DEPDC5: variants seen among roughly 807,000 people sequenced by gnomAD.
The protein encoded by DEPDC5 is DEP domain containing 5, GATOR1 subcomplex subunit, also known as GATOR1 complex protein DEPDC5.
DEPDC5 carries 73 observed loss-of-function variants against 217.3 expected under a neutral mutation model. That is an observed-to-expected ratio of 0.34 (90% confidence interval 0.28 to 0.41). DEPDC5 has a LOEUF of 0.41. Ranked by LOEUF, DEPDC5 falls within the 10% of genes least tolerant of loss-of-function variation. DEPDC5 has a pLI of 1.00. For missense variants in DEPDC5, 1,675 were observed against 2,070.1 expected, an observed-to-expected ratio of 0.81 and a Z score of 3.70; for synonymous variants, 733 against 756.7, an observed-to-expected ratio of 0.97 and a Z score of 0.51.
chr22:31,803,511 C>T (rs1375478445), intron 15 of DEPDC5, among the ~76,000 whole-genome samples: 4 of 152,064 alleles, frequency 2.6e-5, no homozygotes, highest in East Asian at 1.9e-4. Context: ...CACACCCAGC[C>T]GCTGTCAGCC....
intron 25 of DEPDC5, among the ~76,000 whole-genome samples, chr22:31,835,265 A>G (rs891032017): frequency 1.1e-4 from 16 of 152,222 alleles, no homozygotes; most frequent in Non-Finnish European, 2.9e-5. Flanking sequence ...CCAGCAGTGA[A>G]TAGATGATTC....
At chr22:31,867,626 C>T (rs1454554439) in intron 33 of DEPDC5, among the ~76,000 whole-genome samples, 2 of 152,184 alleles carry the variant, frequency 1.3e-5, no homozygotes, top group African/African-American at 2.4e-5. Flanking sequence ...CACACCCATT[C>T]ATTTACATAT....
At position 31,876,285 on chromosome 22, in the gene DEPDC5, C is replaced by T. The variant is rs1475517035; in HGVS notation, c.3805+20C>T. 7 of 1,601,960 alleles carry T rather than the reference C, an allele frequency of 4.4e-6. No homozygotes were observed. The highest frequency in any genetic ancestry group is 2.0e-4 in the Middle Eastern group (1 of 5,086). On this transcript the variant is annotated intron_variant, in intron 37 of 42. Coordinates refer to ENST00000651528, the MANE Select transcript of DEPDC5 (RefSeq NM_001242896.3). Reference sequence around the variant, plus strand: ...ACCGAGGTTAGAGCCGAGGCGAATGCGGTTGCCCACAGGGGCAAGTGTTTT... The same window carrying T: ...ACCGAGGTTAGAGCCGAGGCGAATGTGGTTGCCCACAGGGGCAAGTGTTTT...
chr22:31,887,238 A>G (rs1248056492), intron 38 of DEPDC5, among the ~76,000 whole-genome samples: 1 of 151,680 alleles, frequency 6.6e-6, no homozygotes, highest in Non-Finnish European at 1.5e-5. Context: ...GGCCAACACG[A>G]TGAATCCCTG....
chr22:31,817,272 G>C (rs1343480983), intron 21 of DEPDC5: 1 of 186,556 alleles, frequency 5.4e-6, no homozygotes, highest in East Asian at 1.6e-4. Flanking sequence ...ACCATGCCTG[G>C]CTAATTTTTG....
chr22:31,894,172 C>A, intron 39 of DEPDC5: 1 of 153,194 alleles, frequency 6.5e-6, no homozygotes, highest in Admixed American at 6.5e-5. Flanking sequence ...AAAAGTAAGT[C>A]TGTTTCCCAC....
At chr22:31,754,358 G>A (rs1450250893) in intron 1 of DEPDC5, among the ~76,000 whole-genome samples, 194 bp downstream of exon 1, 2 of 152,246 alleles carry the variant, frequency 1.3e-5, no homozygotes, top group African/African-American at 4.8e-5. Context: ...CGCACAGACC[G>A]AGGTTTGGGG....
rs1481081734 is a variant in DEPDC5 at position 31,900,404 on chromosome 22, A to AT, written c.4376-1337dup. Among the ~76,000 whole-genome samples the AT allele has an allele frequency of 2.8e-4, 42 of 152,128 alleles. 1 individual carries two copies. Among genetic ancestry groups the AT allele is most frequent in the Non-Finnish European group, 5.7e-4 (39 of 68,036 alleles). ...TTTTCCTACCTCTAGAATGGAGCTT[A>AT]TAATATTTGCCCTTTCTTGTGGGAA... On this transcript the variant is annotated intron_variant, in intron 40 of 42. Coordinates refer to ENST00000651528, the MANE Select transcript of DEPDC5 (RefSeq NM_001242896.3).
intron 33 of DEPDC5, 122 bp from the exon 34 acceptor site, chr22:31,870,468 G>C: frequency 9.2e-7 from 1 of 1,091,682 alleles, no homozygotes; most frequent in Non-Finnish European, 1.2e-6. Flanking sequence ...GGGAAGGATT[G>C]CATTAATTTT....
At position 31,879,545 on chromosome 22, in the gene DEPDC5, A is replaced by G. The variant is rs756257890; in HGVS notation, c.3826A>G (p.Thr1276Ala). ...PDRVAMQQPATTWHTAGVDDF... is the reference protein window; with the variant it reads ...PDRVAMQQPAATWHTAGVDDF... ...CCCAGTGGCCATGCAGCAGCCCGCC[A>G]CCACCTGGCACACAGCAGGAGTGGA... The change falls in exon 38 of 43, where the codon ACC becomes GCC. Residue 1276 changes from threonine to alanine, a missense_variant. By Grantham distance (58) the Thr-to-Ala change is moderately conservative. Around this residue, in one of 11 missense-constraint regions of DEPDC5, gnomAD observed 194 missense variants for 199.3 expected, o/e 0.97. Coordinates refer to ENST00000651528, the MANE Select transcript of DEPDC5 (RefSeq NM_001242896.3). 1.2e-6 allele frequency: 2 copies of G among 1,611,300 alleles called. No individual in the cohort carries two copies. Among genetic ancestry groups the G allele is most frequent in the South Asian group, 2.2e-5 (2 of 91,082 alleles).
At chr22:31,879,065 T>TAC (rs1370897437) in intron 37 of DEPDC5, among the ~76,000 whole-genome samples, 6 of 137,624 alleles carry the variant, frequency 4.4e-5, no homozygotes, top group African/African-American at 8.5e-5. Context: ...TATATATATA[T>TAC]ATACACACAC....
intron 23 of DEPDC5, 70 bp downstream of exon 23, chr22:31,821,707 A>G (rs568953452): frequency 1.9e-6 from 3 of 1,570,196 alleles, no homozygotes; most frequent in South Asian, 2.3e-5. Flanking sequence ...AATGTGCAGA[A>G]CAGACTATTG....
chr22:31,870,412 T>C (rs1211043138), intron 33 of DEPDC5, among the ~76,000 whole-genome samples, 178 bp from the exon 34 acceptor site: 1 of 152,142 alleles, frequency 6.6e-6, no homozygotes, highest in Non-Finnish European at 1.5e-5. Context: ...CTAGACAACT[T>C]TAGCTGTGCC....
At chr22:31,784,255 TAAAG>T (rs1422927033) in intron 9 of DEPDC5, 6 of 262,288 alleles carry the variant, frequency 2.3e-5, no homozygotes, top group South Asian at 8.9e-5. Context: ...CTTCAAAAAA[TAAAG>T]AAATAAATAA....
At chr22:31,779,216 C>T (rs2084178441) in intron 8 of DEPDC5, among the ~76,000 whole-genome samples, 3 of 152,180 alleles carry the variant, frequency 2.0e-5, no homozygotes, top group Admixed American at 2.0e-4. Context: ...TTAGAGGGAA[C>T]CACTCCATGA....
intron 22 of DEPDC5, among the ~76,000 whole-genome samples, chr22:31,820,301 G>A (rs926361268): frequency 1.1e-4 from 16 of 151,954 alleles, no homozygotes; most frequent in Admixed American, 7.9e-4. Context: ...TAGTAGAGAC[G>A]GGGTTTCACC....
At chr22:31,853,332 C>A (rs1287644305) in intron 31 of DEPDC5, 1 of 152,104 alleles carries the variant, frequency 6.6e-6, no homozygotes, top group Non-Finnish European at 1.5e-5. Flanking sequence ...GATTCTCAGC[C>A]AACCCCAAGG....
chr22:31,755,095 C>A, intron 2 of DEPDC5, 116 bp downstream of exon 2: 1 of 1,125,892 alleles, frequency 8.9e-7, no homozygotes, highest in Non-Finnish European at 1.3e-6. Context: ...GGCGACTAAA[C>A]AGACTAAAGC....
chr22:31,867,950 G>A (rs2092732851), intron 33 of DEPDC5, among the ~76,000 whole-genome samples: 1 of 152,176 alleles, frequency 6.6e-6, no homozygotes, highest in South Asian at 2.1e-4. Context: ...ATGCATAAGA[G>A]CTGGTTCTAG....
Sources: allele counts gnomAD v4.1 joint callset (sites outside exome capture counted in the v4.1 genomes callset), GRCh38; gene constraint gnomAD v4.1.1; regional missense constraint gnomAD v4.1.1; transcripts MANE v1.5; gene names NCBI Gene and HGNC (gene_info 2026-07-23, HGNC 2026-07-21).